The following SLC44A5 variants were observed in gnomAD, a reference collection of about 807,000 sequenced individuals.
SLC44A5 encodes the protein solute carrier family 44 member 5.
In SLC44A5, 57 loss-of-function variants were observed where a neutral mutation model predicts 101.8. That is an observed-to-expected ratio of 0.56 (90% CI 0.45 to 0.70). SLC44A5 has a LOEUF of 0.70. Among genes scored for constraint, SLC44A5 ranks in the 30% least tolerant of loss-of-function variants. SLC44A5 has a pLI of 0.00. For missense variants in SLC44A5, 737 were observed against 853.1 expected (o/e 0.86, Z 1.70); for synonymous variants, 281 against 290.9 (o/e 0.97, Z 0.35).
At chr1:75,666,495 A>C in the SLC44A5 span, among the ~76,000 whole-genome samples, 1 of 152,332 alleles carries the variant, frequency 6.6e-6, no homozygotes, top group African/African-American at 2.4e-5. Context: ...TTCACAGCCA[A>C]GTTCTACCAG....
chr1:75,217,716 A>G, intron 18 of SLC44A5, 150 bp downstream of exon 18: 1 of 613,268 alleles, frequency 1.6e-6, no homozygotes, highest in South Asian at 1.9e-5. Flanking sequence ...TCCTTCAGCA[A>G]GCTCTCTCTG....
At chr1:75,363,581 TATG>T (rs1195446167) in intron 3 of SLC44A5, among the ~76,000 whole-genome samples, 1 of 152,162 alleles carries the variant, frequency 6.6e-6, no homozygotes, top group African/African-American at 2.4e-5. Context: ...CCTTATATTT[TATG>T]ATATTGACTT....
chr1:75,394,925 A>G (rs1459882252), intron 3 of SLC44A5, among the ~76,000 whole-genome samples: 1 of 152,112 alleles, frequency 6.6e-6, no homozygotes, highest in Non-Finnish European at 1.5e-5. Context: ...TAGTGGATGC[A>G]AAACCAACAG....
intron 3 of SLC44A5, among the ~76,000 whole-genome samples, chr1:75,345,337 A>G (rs1325753453): frequency 6.6e-6 from 1 of 151,596 alleles, no homozygotes; most frequent in Non-Finnish European, 1.5e-5. Context: ...TCTACCATCT[A>G]TAAGCAGTAT....
At chr1:75,694,764 A>C in the SLC44A5 span, among the ~76,000 whole-genome samples, 37,954 of 152,012 alleles carry the variant, frequency 0.25, 5,070 homozygotes, top group Non-Finnish European at 0.3. Context: ...AGTTTAATAT[A>C]CCTATCATGT....
chr1:75,444,504 A>AAGAAAG (rs1553181291), intron 2 of SLC44A5, among the ~76,000 whole-genome samples: 1 of 151,592 alleles, frequency 6.6e-6, no homozygotes, highest in Non-Finnish European at 1.5e-5. Flanking sequence ...GAAAGAAAGA[A>AAGAAAG]AGAAAAAGAA....
At chr1:75,514,222 G>C (rs1669710370) in intron 2 of SLC44A5, among the ~76,000 whole-genome samples, 1 of 152,120 alleles carries the variant, frequency 6.6e-6, no homozygotes, top group East Asian at 1.9e-4. Flanking sequence ...ACATTTGTTT[G>C]AACCAAAAAT....
chr1:75,349,675 T>C (rs1658498928), intron 3 of SLC44A5, among the ~76,000 whole-genome samples: 1 of 152,086 alleles, frequency 6.6e-6, no homozygotes, highest in Admixed American at 6.6e-5. Flanking sequence ...TGAAGAACTA[T>C]GGAGAAAGGA....
At chr1:75,713,982 T>G in the SLC44A5 span, among the ~76,000 whole-genome samples, 34 of 135,000 alleles carry the variant, frequency 2.5e-4, no homozygotes, top group South Asian at 7.7e-3. Context: ...TTTTACTTTT[T>G]GTAGAGATGG....
At chr1:75,391,374 A>G (rs11582987) in intron 3 of SLC44A5, among the ~76,000 whole-genome samples, 2,635 of 152,300 alleles carry the variant, frequency 0.017, 38 homozygotes, top group Middle Eastern at 0.048. Context: ...ATATAAAACC[A>G]AAAAAGAGCC....
In SLC44A5 at chr1:75,345,579, T is replaced by C. The variant is rs140257073; in HGVS notation, c.53-5949A>G. Reference sequence around the variant, plus strand: ...TGGCTACAAATAATACCAATAATTCTAGAAGGATTTCAGTGACTAAGCTGG... The same window carrying C: ...TGGCTACAAATAATACCAATAATTCCAGAAGGATTTCAGTGACTAAGCTGG... On this transcript the variant is annotated intron_variant, in intron 3 of 23. Transcript: ENST00000370859. Among the ~76,000 whole-genome samples the C allele has an allele frequency of 2.8e-3, 426 of 152,288 alleles. 1 individual carries two copies. Among genetic ancestry groups the C allele is most frequent in the Non-Finnish European group, 4.9e-3 (335 of 68,010 alleles).
intron 2 of SLC44A5, among the ~76,000 whole-genome samples, chr1:75,467,808 C>A (rs2101718533): frequency 6.6e-6 from 1 of 152,070 alleles, no homozygotes; most frequent in South Asian, 2.1e-4. Flanking sequence ...CAAGTGCAGG[C>A]AATCAAAGCA....
chr1:75,279,937 G>A (rs1361098431), intron 5 of SLC44A5, among the ~76,000 whole-genome samples: 3 of 151,146 alleles, frequency 2.0e-5, no homozygotes, highest in Non-Finnish European at 4.4e-5. Context: ...GAAGTACATT[G>A]TATCATTTGT....
intron 3 of SLC44A5, among the ~76,000 whole-genome samples, chr1:75,360,262 A>C (rs1232447729): frequency 6.6e-6 from 1 of 152,138 alleles, no homozygotes. Context: ...TGTCATGGAA[A>C]TTTTCTTCTG....
intron 2 of SLC44A5, among the ~76,000 whole-genome samples, chr1:75,537,023 AAAAAAAAAAAATAT>A (rs1360019782): frequency 5.7e-5 from 2 of 34,886 alleles, no homozygotes; most frequent in Non-Finnish European, 2.5e-4. Flanking sequence ...AAAAAAAAAA[AAAAAAAAAAAATAT>A]ATATCTATGC....
intron 6 of SLC44A5, among the ~76,000 whole-genome samples, chr1:75,269,270 T>C (rs1033453060): frequency 1.3e-5 from 2 of 152,126 alleles, no homozygotes; most frequent in East Asian, 3.8e-4. Flanking sequence ...GATGATCTTT[T>C]TTTCTTTTTG....
intron 2 of SLC44A5, among the ~76,000 whole-genome samples, chr1:75,410,451 T>A (rs760103414): frequency 1.3e-5 from 2 of 152,146 alleles, no homozygotes; most frequent in Non-Finnish European, 2.9e-5. Flanking sequence ...AAGGGTTCAT[T>A]GAATGAAGAA....
the SLC44A5 span, among the ~76,000 whole-genome samples, chr1:75,690,271 G>C: frequency 6.6e-6 from 1 of 151,758 alleles, no homozygotes; most frequent in Admixed American, 6.6e-5. Context: ...AGGCAAGAGA[G>C]ACAGAGGCAG....
At chr1:75,634,155 T>A in the SLC44A5 span, among the ~76,000 whole-genome samples, 1 of 152,176 alleles carries the variant, frequency 6.6e-6, no homozygotes, top group Non-Finnish European at 1.5e-5. Context: ...GCATCAATGT[T>A]CATCAAGGAT....
Sources: gnomAD v4.1 joint callset for allele counts (sites outside exome capture counted in the v4.1 genomes callset) on GRCh38, gnomAD v4.1.1 for gene constraint, MANE v1.5 for transcripts, NCBI Gene and HGNC (gene_info 2026-07-23, HGNC 2026-07-21) for gene names.